Variants in CLSTN2 observed in about 807,000 individuals in gnomAD.
The protein encoded by CLSTN2 is calsyntenin-2.
In CLSTN2, 48 loss-of-function variants were observed where a neutral mutation model predicts 101.2. The observed-to-expected ratio is 0.47, with a 90% CI of 0.38 to 0.60. The LOEUF (loss-of-function observed/expected upper bound fraction) is 0.60, where lower values mean the gene tolerates loss of function less well. Ranked by LOEUF, CLSTN2 falls within the 20% of genes least tolerant of loss-of-function variation. CLSTN2 has a pLI of 0.00. For synonymous variants in CLSTN2, 481 were observed against 463.6 expected (o/e 1.04, Z -0.48); for missense variants, 1,160 against 1,238.2 (o/e 0.94, Z 0.95).
chr3:140,489,335 G>A (rs1934296972), intron 8 of CLSTN2, among the ~76,000 whole-genome samples: 1 of 152,220 alleles, frequency 6.6e-6, no homozygotes, highest in African/African-American at 2.4e-5. Context: ...GTAGCTTTAT[G>A]CATCTTGCTT....
At chr3:140,076,556 C>T (rs545638315) in intron 1 of CLSTN2, among the ~76,000 whole-genome samples, 31 of 151,268 alleles carry the variant, frequency 2.0e-4, no homozygotes, top group Non-Finnish European at 4.1e-4. Flanking sequence ...GCCGGCCTCC[C>T]ACACTCTGGC....
chr3:140,445,612 A>T (rs191038359), intron 5 of CLSTN2, among the ~76,000 whole-genome samples: 43 of 152,280 alleles, frequency 2.8e-4, no homozygotes, highest in African/African-American at 1.0e-3. Context: ...GAGATAGATG[A>T]TTCTATATAG....
In CLSTN2 at chr3:139,980,985, A is replaced by G. The variant is rs562763490; in HGVS notation, c.109+45502A>G. On this transcript the variant is annotated intron_variant, in intron 1 of 16. Coordinates refer to ENST00000458420, the MANE Select transcript of CLSTN2 (RefSeq NM_022131.3). ...CTTGTAACTTGTGCCTAGATAACTG[A>G]AATTAATGGTGTGTGCTATGATGTG... 1.2e-3 allele frequency among the ~76,000 whole-genome samples: 187 copies of G among 152,144 alleles called. 1 individual carries two copies. Among genetic ancestry groups the G allele is most frequent in the Middle Eastern group, 6.8e-3 (2 of 294 alleles).
chr3:140,003,419 ATTTG>A (rs1209172590), intron 1 of CLSTN2, among the ~76,000 whole-genome samples: 1 of 152,260 alleles, frequency 6.6e-6, no homozygotes, highest in South Asian at 2.1e-4. Flanking sequence ...ACTTTACTGA[ATTTG>A]TTTATCAGTT....
In CLSTN2 at chr3:139,935,285, G is replaced by A. The variant is rs1171565108; in HGVS notation, c.-90G>A. 4 of 649,026 alleles carry A rather than the reference G, an allele frequency of 6.2e-6. No homozygotes were observed. The highest frequency in any genetic ancestry group is 1.9e-5 in the African/African-American group (1 of 53,024). The allele number at this position is 649,026 out of a possible 1,614,324, so 40.2% of individuals were successfully genotyped here. On this transcript the variant is annotated 5_prime_UTR_variant, in exon 1 of 17. Transcript: ENST00000458420. This position sits in a 1 kb window ranked among gnomAD's most constrained non-coding sequence, Gnocchi z 5.5. Reference sequence around the variant, plus strand: ...TAGAAGCGCACCCATCGGGCACGGCGAGGCGGCCCACGGTGCGGCAGGCAC... The same window carrying A: ...TAGAAGCGCACCCATCGGGCACGGCAAGGCGGCCCACGGTGCGGCAGGCAC...
At chr3:140,039,310 T>C (rs1478211302) in intron 1 of CLSTN2, among the ~76,000 whole-genome samples, 5 of 151,578 alleles carry the variant, frequency 3.3e-5, no homozygotes, top group African/African-American at 1.2e-4. Flanking sequence ...TTGAAGGCTT[T>C]TAGCGTTACT....
intron 5 of CLSTN2, among the ~76,000 whole-genome samples, chr3:140,438,336 T>C (rs1050105140): frequency 6.8e-5 from 10 of 147,714 alleles, no homozygotes; most frequent in African/African-American, 1.0e-4. Context: ...CTGTATTTCC[T>C]GCAGAAGTGA....
At chr3:140,281,378 AC>A (rs370935255) in intron 2 of CLSTN2, among the ~76,000 whole-genome samples, 6 of 152,172 alleles carry the variant, frequency 3.9e-5, no homozygotes, top group African/African-American at 2.4e-5. Flanking sequence ...AAAAGCAAAA[AC>A]AAAAAAATAT....
intron 2 of CLSTN2, among the ~76,000 whole-genome samples, chr3:140,201,977 G>T (rs137955722): frequency 6.6e-6 from 1 of 152,294 alleles, no homozygotes; most frequent in East Asian, 1.9e-4. Flanking sequence ...AGGAAATGAG[G>T]GGATGCACCC....
intron 1 of CLSTN2, among the ~76,000 whole-genome samples, chr3:140,087,452 A>G (rs1320594755): frequency 1.3e-5 from 2 of 152,198 alleles, no homozygotes; most frequent in African/African-American, 4.8e-5. Flanking sequence ...ATTTCTCAGC[A>G]TTCTGCATTG....
intron 1 of CLSTN2, among the ~76,000 whole-genome samples, chr3:140,075,675 G>A (rs560609599): frequency 1.3e-5 from 2 of 152,278 alleles, no homozygotes; most frequent in South Asian, 4.2e-4. Flanking sequence ...GTGTCAAGAA[G>A]CTATTATGTG....
At chr3:140,298,998 C>T (rs996392005) in intron 2 of CLSTN2, among the ~76,000 whole-genome samples, 5 of 152,166 alleles carry the variant, frequency 3.3e-5, no homozygotes, top group Admixed American at 2.0e-4. Flanking sequence ...AGCATGGTCC[C>T]TGACCCTCTT....
chr3:140,257,287 A>G (rs2086612036), intron 2 of CLSTN2, among the ~76,000 whole-genome samples: 1 of 152,186 alleles, frequency 6.6e-6, no homozygotes, highest in Non-Finnish European at 1.5e-5. Flanking sequence ...CTAATAAGTA[A>G]AAGTATTTAG....
chr3:139,959,707 G>A (rs184493150), intron 1 of CLSTN2, among the ~76,000 whole-genome samples: 23 of 152,080 alleles, frequency 1.5e-4, no homozygotes, highest in Non-Finnish European at 2.9e-4. Context: ...GTTCTGTAGC[G>A]TTCTAAGCTC....
intron 1 of CLSTN2, among the ~76,000 whole-genome samples, chr3:139,979,656 A>G (rs1344924856): frequency 6.6e-6 from 1 of 152,202 alleles, no homozygotes; most frequent in Non-Finnish European, 1.5e-5. Flanking sequence ...GGAAAATGTC[A>G]TTCTCTCAAC....
chr3:140,547,392 T>G (rs886278396), intron 10 of CLSTN2, among the ~76,000 whole-genome samples: 11 of 152,088 alleles, frequency 7.2e-5, no homozygotes, highest in Non-Finnish European at 1.3e-4. Flanking sequence ...GAGAATCATT[T>G]GAACCCAGGA....
At chr3:140,070,771 T>C (rs956765842) in intron 1 of CLSTN2, among the ~76,000 whole-genome samples, 1 of 152,160 alleles carries the variant, frequency 6.6e-6, no homozygotes, top group Admixed American at 6.5e-5. Flanking sequence ...CTTGCTCAAA[T>C]CCAGCCCACT....
At chr3:140,302,816 A>G (rs556175543) in intron 2 of CLSTN2, among the ~76,000 whole-genome samples, 2 of 152,272 alleles carry the variant, frequency 1.3e-5, no homozygotes, top group South Asian at 4.2e-4. Flanking sequence ...GAGACAGAGA[A>G]AGGTGGCTTG....
chr3:140,513,583 C>CTTTTTTTTTTTTTCTT (rs1934857451), intron 8 of CLSTN2, among the ~76,000 whole-genome samples: 1 of 117,768 alleles, frequency 8.5e-6, no homozygotes, highest in African/African-American at 3.3e-5. Context: ...TTTTTTCTTT[C>CTTTTTTTTTTTTTCTT]TTTTTTTTTT....
Sources: gnomAD v4.1 joint callset for allele counts (sites outside exome capture counted in the v4.1 genomes callset) on GRCh38, gnomAD v4.1.1 for gene constraint, Gnocchi (gnomAD v3.1) non-coding constraint, MANE v1.5 for transcripts, NCBI Gene and HGNC (gene_info 2026-07-23, HGNC 2026-07-21) for gene names.